Variants in BLTP3A observed in about 807,000 individuals in gnomAD.
BLTP3A encodes the protein bridge-like lipid transfer protein family member 3A.
the BLTP3A span, among the ~76,000 whole-genome samples, chr6:34,794,157 C>CAAA: frequency 5.4e-4 from 78 of 143,668 alleles, no homozygotes; most frequent in African/African-American, 1.7e-3. Flanking sequence ...GAGACTGTCT[C>CAAA]AAAAAAAAAA....
At chr6:34,812,747 C>T in the BLTP3A span, among the ~76,000 whole-genome samples, 2 of 152,020 alleles carry the variant, frequency 1.3e-5, no homozygotes, top group Non-Finnish European at 2.9e-5. Flanking sequence ...AGCCACTGCA[C>T]CTGACCAATG....
chr6:34,814,961 A>C, the BLTP3A span, among the ~76,000 whole-genome samples: 1 of 152,196 alleles, frequency 6.6e-6, no homozygotes, highest in Non-Finnish European at 1.5e-5. Context: ...TGTTAGTAGA[A>C]GTAAACACCA....
At chr6:34,868,420 C>T in the BLTP3A span, among the ~76,000 whole-genome samples, 4 of 151,694 alleles carry the variant, frequency 2.6e-5, no homozygotes, top group Admixed American at 1.3e-4. Context: ...ATAGCAAGAC[C>T]TCAGCTGTAC....
the BLTP3A span, among the ~76,000 whole-genome samples, chr6:34,818,148 G>A: frequency 6.6e-6 from 1 of 152,058 alleles, no homozygotes; most frequent in African/African-American, 2.4e-5. Flanking sequence ...GTGAGCCACC[G>A]CGCCCGGCCA....
chr6:34,793,923 C>CAA, the BLTP3A span, among the ~76,000 whole-genome samples: 1 of 123,456 alleles, frequency 8.1e-6, no homozygotes, highest in Non-Finnish European at 1.9e-5. Context: ...TTCAAGGGTA[C>CAA]AAAAAAAAAA....
At chr6:34,826,810 G>A in the BLTP3A span, among the ~76,000 whole-genome samples, 3 of 152,008 alleles carry the variant, frequency 2.0e-5, no homozygotes, top group African/African-American at 4.8e-5. Flanking sequence ...CCCAGTAATC[G>A]TTCTGCTTTT....
the BLTP3A span, among the ~76,000 whole-genome samples, chr6:34,862,168 G>A: frequency 6.6e-6 from 1 of 151,960 alleles, no homozygotes; most frequent in Non-Finnish European, 1.5e-5. Context: ...CACGAGGCCA[G>A]GAGATGAGAC....
the BLTP3A span, chr6:34,864,172 A>T: frequency 6.2e-7 from 1 of 1,613,976 alleles, no homozygotes; most frequent in Non-Finnish European, 8.5e-7. Flanking sequence ...GATGGCAGTG[A>T]TAGCTTTGTG....
the BLTP3A span, among the ~76,000 whole-genome samples, chr6:34,811,820 G>C: frequency 6.6e-6 from 1 of 151,986 alleles, no homozygotes; most frequent in Non-Finnish European, 1.5e-5. Flanking sequence ...TCGTGCCACT[G>C]TACTCCAGCC....
the BLTP3A span, among the ~76,000 whole-genome samples, chr6:34,793,334 C>G: frequency 3.9e-5 from 6 of 152,254 alleles, no homozygotes; most frequent in South Asian, 6.2e-4. Context: ...CTTTGTATCT[C>G]AAGTAGAGAG....
the BLTP3A span, among the ~76,000 whole-genome samples, chr6:34,852,176 T>C: frequency 6.6e-6 from 1 of 152,068 alleles, no homozygotes; most frequent in African/African-American, 2.4e-5. Context: ...TCTGTCTTCT[T>C]TCCTCAAGCA....
the BLTP3A span, among the ~76,000 whole-genome samples, chr6:34,817,868 TGG>T: frequency 3.3e-4 from 33 of 99,368 alleles, no homozygotes; most frequent in African/African-American, 1.1e-3. Context: ...TTTTTTTTTT[TGG>T]GGGGGTGGAG....
chr6:34,795,228 C>T, the BLTP3A span, among the ~76,000 whole-genome samples: 142 of 152,120 alleles, frequency 9.3e-4, 2 homozygotes, highest in Admixed American at 7.3e-3. Context: ...AGACCATGCA[C>T]CACCATGCCC....
At chr6:34,805,180 G>A in the BLTP3A span, among the ~76,000 whole-genome samples, 2 of 152,040 alleles carry the variant, frequency 1.3e-5, no homozygotes, top group African/African-American at 4.8e-5. Flanking sequence ...TGTAGTCCCA[G>A]CTACTTGGGA....
At chr6:34,865,132 C>T in the BLTP3A span, among the ~76,000 whole-genome samples, 5 of 152,280 alleles carry the variant, frequency 3.3e-5, no homozygotes, top group South Asian at 1.0e-3. Context: ...CAAATACTTA[C>T]CATTTATTTC....
At chr6:34,850,931 C>T in the BLTP3A span, among the ~76,000 whole-genome samples, 3 of 152,090 alleles carry the variant, frequency 2.0e-5, no homozygotes, top group Admixed American at 2.0e-4. Flanking sequence ...CTTCTGACCT[C>T]CCATCTCACT....
At chr6:34,816,843 G>A in the BLTP3A span, among the ~76,000 whole-genome samples, 1 of 152,124 alleles carries the variant, frequency 6.6e-6, no homozygotes, top group Admixed American at 6.5e-5. Context: ...AACTCATTCT[G>A]CCTGTTAAAA....
the BLTP3A span, chr6:34,874,372 C>G: frequency 6.6e-6 from 1 of 152,092 alleles, no homozygotes; most frequent in Non-Finnish European, 1.5e-5. Flanking sequence ...ACTAAAAATA[C>G]AAAAATTAGC....
At chr6:34,805,145 T>A in the BLTP3A span, among the ~76,000 whole-genome samples, 2 of 151,710 alleles carry the variant, frequency 1.3e-5, no homozygotes, top group South Asian at 2.1e-4. Context: ...AATAAAAAAA[T>A]TAGCTGGGCA....
Sources: gnomAD v4.1 joint callset for allele counts (sites outside exome capture counted in the v4.1 genomes callset) on GRCh38, gnomAD v4.1.1 for gene constraint, MANE v1.5 for transcripts, NCBI Gene and HGNC (gene_info 2026-07-23, HGNC 2026-07-21) for gene names.